LARGE1: variants seen among roughly 807,000 people sequenced by gnomAD.
The protein encoded by LARGE1 is xylosyl- and glucuronyltransferase LARGE1.
A neutral mutation model predicts 87.6 loss-of-function variants in LARGE1; 43 were observed. The observed-to-expected ratio is 0.49, with a 90% CI of 0.38 to 0.63. LARGE1 has a LOEUF of 0.63. LARGE1 is among the 30% of genes least tolerant of loss of function. The probability of loss-of-function intolerance (pLI) is 0.00; values close to 1 mark genes in which losing one functional copy is unlikely to be tolerated. For synonymous variants in LARGE1, 434 were observed against 394.6 expected, an observed-to-expected ratio of 1.10 and a Z score of -1.18; for missense variants, 802 against 1,000.2, an observed-to-expected ratio of 0.80 and a Z score of 2.67.
intron 2 of LARGE1, among the ~76,000 whole-genome samples, chr22:33,714,313 A>G (rs1409892353): frequency 6.6e-6 from 1 of 152,144 alleles, no homozygotes; most frequent in Non-Finnish European, 1.5e-5. Context: ...TGGCAATAAA[A>G]AACTCCAGCT....
the LARGE1 span, among the ~76,000 whole-genome samples, chr22:33,141,855 C>A: frequency 1.3e-3 from 198 of 152,238 alleles, 3 homozygotes; most frequent in African/African-American, 4.6e-3. Flanking sequence ...CTACTGACTA[C>A]TTTTACTCCC....
At chr22:33,423,007 C>CA (rs1263449250) in intron 7 of LARGE1, among the ~76,000 whole-genome samples, 3 of 111,080 alleles carry the variant, frequency 2.7e-5, no homozygotes, top group African/African-American at 4.5e-5. Flanking sequence ...TTTTTAAAAC[C>CA]ATTTTTTTTT....
intron 11 of LARGE1, among the ~76,000 whole-genome samples, chr22:33,262,067 G>A (rs976420730): frequency 2.0e-5 from 3 of 152,174 alleles, no homozygotes; most frequent in African/African-American, 7.2e-5. Flanking sequence ...ACAAAGTATC[G>A]TAAACACTCA....
chr22:33,237,715 T>C (rs1012897663), intron 11 of LARGE1, among the ~76,000 whole-genome samples: 26 of 152,222 alleles, frequency 1.7e-4, no homozygotes, highest in Admixed American at 1.6e-3. Context: ...AGAAAGCAAT[T>C]CCACTCTTCA....
intron 1 of LARGE1, among the ~76,000 whole-genome samples, chr22:33,798,898 A>G (rs373419150): frequency 2.6e-5 from 4 of 152,300 alleles, no homozygotes; most frequent in South Asian, 2.1e-4. Context: ...CAGCAAAACC[A>G]TAAAAATTCT....
rs75102605 is a variant in LARGE1, at chr22:33,481,158, C to T, written c.788-48893G>A. 1.3e-3 allele frequency among the ~76,000 whole-genome samples: 198 copies of T among 150,968 alleles called. 1 individual carries two copies. The highest frequency in any genetic ancestry group is 2.5e-3 in the Non-Finnish European group (169 of 67,850). On this transcript the variant is annotated intron_variant, in intron 6 of 14. Transcript: ENST00000397394. ...AAAAAAAACGCTTTAGTGATTTATA[C>T]TTCTTCCAGCAAGGAGAAGTATTTA... is the stretch of plus-strand genomic sequence containing the variant.
At chr22:33,688,392 C>A (rs552119541) in intron 2 of LARGE1, among the ~76,000 whole-genome samples, 1 of 152,162 alleles carries the variant, frequency 6.6e-6, no homozygotes, top group Non-Finnish European at 1.5e-5. Context: ...GCTCTTGTAA[C>A]CCAGGCTGGA....
At chr22:33,130,887 G>T in the LARGE1 span, among the ~76,000 whole-genome samples, 11,299 of 151,832 alleles carry the variant, frequency 0.074, 485 homozygotes, top group Middle Eastern at 0.13. Flanking sequence ...CAAAAAATTA[G>T]CCGGGCGTGG....
intron 3 of LARGE1, among the ~76,000 whole-genome samples, chr22:33,639,792 C>T (rs549840520): frequency 3.3e-5 from 5 of 152,278 alleles, no homozygotes; most frequent in East Asian, 3.9e-4. Context: ...CAAAGGGGAT[C>T]GTTCTGCTCC....
intron 6 of LARGE1, among the ~76,000 whole-genome samples, chr22:33,516,817 C>T (rs2071328296): frequency 6.6e-6 from 1 of 152,086 alleles, no homozygotes; most frequent in South Asian, 2.1e-4. Context: ...ATCTCTTGAC[C>T]TTGTGATGCG....
upstream of LARGE1, among the ~76,000 whole-genome samples, chr22:33,921,220 G>T (rs1319441253): frequency 1.3e-5 from 2 of 152,114 alleles, no homozygotes; most frequent in Non-Finnish European, 2.9e-5. This position sits in a 1 kb window ranked among gnomAD's most constrained non-coding sequence, Gnocchi z 4.1. Context: ...TGCTTCTTCA[G>T]CTCGCTGGCT....
At chr22:33,347,363 C>T (rs1192703752) in intron 9 of LARGE1, among the ~76,000 whole-genome samples, 2 of 152,194 alleles carry the variant, frequency 1.3e-5, no homozygotes, top group African/African-American at 4.8e-5. Flanking sequence ...GCTTGGCACG[C>T]AGTTAGTATT....
At chr22:33,081,099 T>G in the LARGE1 span, among the ~76,000 whole-genome samples, 3 of 152,180 alleles carry the variant, frequency 2.0e-5, 1 homozygote, top group Admixed American at 2.0e-4. Flanking sequence ...CATAGGGCCT[T>G]TTGAAGGTAA....
At chr22:33,492,658 C>G (rs758777474) in intron 6 of LARGE1, among the ~76,000 whole-genome samples, 2 of 152,102 alleles carry the variant, frequency 1.3e-5, no homozygotes, top group African/African-American at 4.8e-5. Context: ...CCCTTGAGAA[C>G]GAATATACAG....
chr22:33,538,826 C>T (rs1166741775), intron 6 of LARGE1, among the ~76,000 whole-genome samples: 1 of 152,160 alleles, frequency 6.6e-6, no homozygotes, highest in African/African-American at 2.4e-5. Context: ...CTGATCTCCT[C>T]TCTGATTGCT....
At chr22:33,594,291 T>C (rs1186348984) in intron 5 of LARGE1, among the ~76,000 whole-genome samples, 1 of 152,154 alleles carries the variant, frequency 6.6e-6, no homozygotes, top group African/African-American at 2.4e-5. Flanking sequence ...TTGCAGTATC[T>C]AGAGCCCATA....
the LARGE1 span, among the ~76,000 whole-genome samples, chr22:33,089,371 C>CTTCTTCTTCTTCTTCTTCTCCTTCTT: frequency 3.3e-3 from 247 of 75,926 alleles, 1 homozygote; most frequent in East Asian, 0.02. Flanking sequence ...TTCTTCTTCT[C>CTTCTTCTTCTTCTTCTTCTCCTTCTT]CTTCTTCTTC....
intron 2 of LARGE1, among the ~76,000 whole-genome samples, chr22:33,719,500 T>TTTAC (rs1202227478): frequency 4.4e-4 from 63 of 143,990 alleles, no homozygotes; most frequent in Non-Finnish European, 7.4e-4. Context: ...CTATACCATA[T>TTTAC]TTATTTATTT....
intron 3 of LARGE1, among the ~76,000 whole-genome samples, chr22:33,636,384 C>T (rs1223497019): frequency 1.3e-5 from 2 of 152,148 alleles, no homozygotes; most frequent in African/African-American, 4.8e-5. Flanking sequence ...TGCTAGATGA[C>T]TCATCAAGCT....
Sources: allele counts gnomAD v4.1 joint callset (sites outside exome capture counted in the v4.1 genomes callset), GRCh38; gene constraint gnomAD v4.1.1; non-coding constraint Gnocchi (gnomAD v3.1); transcripts MANE v1.5; gene names NCBI Gene and HGNC (gene_info 2026-07-23, HGNC 2026-07-21).